The following FSCN1 variants were observed in gnomAD, a reference collection of about 807,000 sequenced individuals.
FSCN1 encodes the protein fascin actin-bundling protein 1.
FSCN1 carries 10 observed loss-of-function variants against 39.7 expected under a neutral mutation model. The observed-to-expected ratio is 0.25, with a 90% CI of 0.16 to 0.43. FSCN1 has a LOEUF of 0.43. FSCN1 is among the 20% of genes least tolerant of loss of function. FSCN1 has a pLI of 1.00. For synonymous variants in FSCN1, 322 were observed against 320.0 expected (o/e 1.01, Z -0.07); for missense variants, 525 against 723.8 (o/e 0.73, Z 3.15).
intron 1 of FSCN1, chr7:5,602,980 G>A (rs911972446): frequency 2.5e-5 from 12 of 486,984 alleles, no homozygotes; most frequent in South Asian, 1.4e-4. Context: ...AAAGTGTTGC[G>A]ATCACAGGCA....
chr7:5,602,518 T>A (rs1026729250), intron 1 of FSCN1, among the ~76,000 whole-genome samples: 2 of 151,976 alleles, frequency 1.3e-5, no homozygotes, highest in African/African-American at 4.8e-5. Flanking sequence ...TTGAAGCAAA[T>A]CCCTGACATC....
rs1785883859 is a variant in FSCN1 at position 5,603,992 on chromosome 7, T to C, written c.1241T>C (p.Phe414Ser). The change falls in exon 4 of 5, where the codon TTC becomes TCC. Residue 414 changes from phenylalanine (F) to serine (S), a missense_variant. Phe to Ser is a radical substitution (Grantham distance 155). Coordinates refer to ENST00000382361, the MANE Select transcript of FSCN1 (RefSeq NM_003088.4). This position sits in a 1 kb window ranked among gnomAD's most constrained non-coding sequence, Gnocchi z 8.5. ...GCCAACCGCTCCAGCTATGACGTCT[T>C]CCAGCTGGAGTTCAACGATGGCGCC... The part of the protein sequence containing the change: ...LDANRSSYDV[F>S]QLEFNDGAYN... 6.2e-7 allele frequency: 1 copy of C among 1,613,864 alleles called. No individual in the cohort carries two copies. The highest frequency in any genetic ancestry group is 8.5e-7 in the Non-Finnish European group (1 of 1,179,994).
Position 5,605,512 on chromosome 7 carries a change from G to A in FSCN1, c.*38G>A, listed in dbSNP as rs748891986. 1.1e-5 allele frequency: 16 copies of A among 1,442,634 alleles called. No individual in the cohort carries two copies. In the South Asian group the frequency reaches 1.8e-4, roughly 17 times the overall value. 89.4% of individuals were successfully genotyped at this position (1,442,634 alleles called of 1,614,324 possible). On this transcript the variant is annotated 3_prime_UTR_variant, in exon 5 of 5. Transcript: ENST00000382361. This position sits in a 1 kb window ranked among gnomAD's most constrained non-coding sequence, Gnocchi z 6.9. ...CTTCCCCGCCCCTGCCCACATGGCG[G>A]CTCCTGCCAACCCTCCCTGCTAACC...
chr7:5,603,820 C>T lies in FSCN1; in HGVS notation c.1112-43C>T, dbSNP rs1374048213. On this transcript the variant is annotated intron_variant, in intron 3 of 4. Transcript: ENST00000382361. The surrounding 1 kb of genome is among the most constrained non-coding windows in gnomAD (Gnocchi z 8.5). Reference sequence around the variant, plus strand: ...TCTGGTCACCCCAGCCTCCACCCCACTCCCTGCCAGGAGGCTCACTGACTC... The same window carrying T: ...TCTGGTCACCCCAGCCTCCACCCCATTCCCTGCCAGGAGGCTCACTGACTC... 1 of 1,591,610 alleles carries T rather than the reference C, an allele frequency of 6.3e-7. No individual in the cohort carries two copies. The highest frequency in any genetic ancestry group is 1.7e-5 in the Admixed American group (1 of 59,668).
At position 5,605,591 on chromosome 7, in the gene FSCN1, A is replaced by G; in HGVS notation, c.*117A>G. ...GGAGGCAAGCCCCCTTGCCTTTCAAACTGGAAACCCCAGAGAAAACGGTGC... is the reference window on the plus strand; with the variant it reads ...GGAGGCAAGCCCCCTTGCCTTTCAAGCTGGAAACCCCAGAGAAAACGGTGC... On this transcript the variant is annotated 3_prime_UTR_variant, in exon 5 of 5. Coordinates refer to ENST00000382361, the MANE Select transcript of FSCN1 (RefSeq NM_003088.4). The surrounding 1 kb of genome is among the most constrained non-coding windows in gnomAD (Gnocchi z 6.9). 2 of 748,598 alleles carry G rather than the reference A, an allele frequency of 2.7e-6. No individual in the cohort carries two copies. The highest frequency in any genetic ancestry group is 2.9e-5 in the Admixed American group (1 of 34,184). The allele number at this position is 748,598 out of a possible 1,614,324, so 46.4% of individuals were successfully genotyped here. A position where few individuals can be genotyped will look rare whatever the true frequency, so the allele number is the denominator to read the frequency against.
intron 1 of FSCN1, among the ~76,000 whole-genome samples, chr7:5,595,053 G>A (rs186743823): frequency 4.9e-4 from 74 of 152,340 alleles, no homozygotes; most frequent in African/African-American, 1.7e-3. Flanking sequence ...GAGGGGCGTG[G>A]GGGGATCTTT....
At position 5,603,442 on chromosome 7, in the gene FSCN1, C is replaced by T. The variant is rs199969674; in HGVS notation, c.989+29C>T. 314 of 1,613,790 alleles carry T rather than the reference C, an allele frequency of 1.9e-4. No individual in the cohort carries two copies. In the African/African-American group the frequency reaches 3.9e-3, roughly 20 times the overall value. On this transcript the variant is annotated intron_variant, in intron 2 of 4. Coordinates refer to ENST00000382361, the MANE Select transcript of FSCN1 (RefSeq NM_003088.4). The surrounding 1 kb of genome is among the most constrained non-coding windows in gnomAD (Gnocchi z 8.5). ...AGTGCCTCGCTCCCACCTGTCACCG[C>T]CCCCACCACCTTGCCTGGGCTACCC...
chr7:5,600,504 C>G (rs1785805948), intron 1 of FSCN1, among the ~76,000 whole-genome samples: 1 of 152,084 alleles, frequency 6.6e-6, no homozygotes, highest in Admixed American at 6.5e-5. Context: ...CCCTGGGGTC[C>G]TATTCTGAGA....
At position 5,605,707 on chromosome 7, in the gene FSCN1, AG is replaced by A. The variant is rs1785922165; in HGVS notation, c.*236del. 1.9e-6 allele frequency: 1 copy of A among 532,562 alleles called. No individual in the cohort carries two copies. The highest frequency in any genetic ancestry group is 3.4e-5 in the Admixed American group (1 of 29,452). 33.0% of individuals were successfully genotyped at this position (532,562 alleles called of 1,614,324 possible). ...TCAGCGGCTGCGGCCTGGCCCTGGG[AG>A]GGATTTCAGATGCCCCTGCCCTCTT... On this transcript the variant is annotated 3_prime_UTR_variant, in exon 5 of 5. Coordinates refer to ENST00000382361, the MANE Select transcript of FSCN1 (RefSeq NM_003088.4). This position sits in a 1 kb window ranked among gnomAD's most constrained non-coding sequence, Gnocchi z 6.9.
chr7:5,605,177 G>A lies in FSCN1; in HGVS notation c.1280-95G>A, dbSNP rs1037894869. 3.5e-5 allele frequency: 31 copies of A among 882,462 alleles called. No homozygotes were observed. The highest frequency in any genetic ancestry group is 1.2e-4 in the Admixed American group (6 of 49,206). 54.7% of individuals were successfully genotyped at this position (882,462 alleles called of 1,614,324 possible). A position where few individuals can be genotyped will look rare whatever the true frequency, so the allele number is the denominator to read the frequency against. On this transcript the variant is annotated intron_variant, in intron 4 of 4. Transcript: ENST00000382361. The surrounding 1 kb of genome is among the most constrained non-coding windows in gnomAD (Gnocchi z 6.9). The stretch of plus-strand genomic sequence containing the variant: ...CGGAGCCGGGACTGGAGGGTGGGGC[G>A]TCACCCTTGGGAACACCCGTGCCCA...
Position 5,605,221 on chromosome 7 carries a change from A to C in FSCN1, c.1280-51A>C. ...GTGCCCACCCTCCGCTGCCCAGGGT[A>C]GGGGTGGGGAGCCAGGCTTTGGGCC... On this transcript the variant is annotated intron_variant, in intron 4 of 4. Coordinates refer to ENST00000382361, the MANE Select transcript of FSCN1 (RefSeq NM_003088.4). The surrounding 1 kb of genome is among the most constrained non-coding windows in gnomAD (Gnocchi z 6.9). The C allele has an allele frequency of 2.2e-6, 3 of 1,363,546 alleles. No homozygotes were observed. Among genetic ancestry groups the C allele is most frequent in the Non-Finnish European group, 3.1e-6 (3 of 956,680 alleles). 84.5% of individuals were successfully genotyped at this position (1,363,546 alleles called of 1,614,324 possible).
At chr7:5,601,197 C>CTTTTT (rs534109521) in intron 1 of FSCN1, among the ~76,000 whole-genome samples, 11 of 115,528 alleles carry the variant, frequency 9.5e-5, no homozygotes, top group South Asian at 2.7e-4. Context: ...TTCTTTCTTC[C>CTTTTT]TTTTTTTTTT....
intron 1 of FSCN1, among the ~76,000 whole-genome samples, chr7:5,594,215 G>A (rs2128548513): frequency 6.6e-6 from 1 of 152,290 alleles, no homozygotes; most frequent in Non-Finnish European, 1.5e-5. Context: ...GCAAGGGCGC[G>A]CCTCCACCCC....
Position 5,593,339 on chromosome 7 carries a change from C to A in FSCN1, c.403C>A (p.His135Asn), listed in dbSNP as rs1311441111. ...GTCCCCCGCCGAGAAGTGGAGCGTG[C>A]ACATCGCCATGCACCCTCAGGTCAA... ...TVSPAEKWSV[H>N]IAMHPQVNIY... The change falls in exon 1 of 5, where the codon CAC (histidine) becomes AAC (asparagine). Residue 135 changes from histidine to asparagine, a missense_variant. Transcript: ENST00000382361. 6.2e-7 allele frequency: 1 copy of A among 1,612,004 alleles called. No individual in the cohort carries two copies. Among genetic ancestry groups the A allele is most frequent in the Non-Finnish European group, 8.5e-7 (1 of 1,179,688 alleles).
intron 1 of FSCN1, among the ~76,000 whole-genome samples, chr7:5,601,512 T>C (rs1785831825): frequency 6.6e-6 from 1 of 152,154 alleles, no homozygotes; most frequent in Non-Finnish European, 1.5e-5. Context: ...CGCATGCTTC[T>C]TATGTATAAG....
intron 1 of FSCN1, among the ~76,000 whole-genome samples, chr7:5,596,323 G>A (rs1261577440): frequency 2.6e-5 from 4 of 152,300 alleles, no homozygotes; most frequent in South Asian, 4.1e-4. Flanking sequence ...GGGCGGGCCC[G>A]GTGGGGGCAG....
At position 5,592,847 on chromosome 7, in the gene FSCN1, C is replaced by T. The variant is rs1584296158; in HGVS notation, c.-90C>T. On this transcript the variant is annotated 5_prime_UTR_variant, in exon 1 of 5. Coordinates refer to ENST00000382361, the MANE Select transcript of FSCN1 (RefSeq NM_003088.4). The surrounding 1 kb of genome is among the most constrained non-coding windows in gnomAD (Gnocchi z 5.3). ...CGCTGCGGAGGGTGCGTGCGGGCCG[C>T]GGCAGCCGAACAAAGGAGCAGGGGC... 9.4e-6 allele frequency: 7 copies of T among 744,740 alleles called. No homozygotes were observed. Among genetic ancestry groups the T allele is most frequent in the African/African-American group, 3.7e-5 (2 of 54,422 alleles). The allele number at this position is 744,740 out of a possible 1,614,324, so 46.1% of individuals were successfully genotyped here.
At chr7:5,594,048 C>T (rs866721657) in intron 1 of FSCN1, 7 of 397,684 alleles carry the variant, frequency 1.8e-5, no homozygotes, top group Admixed American at 4.6e-5. Context: ...CCTCCTAACC[C>T]CCCCCCCCGC....
chr7:5,595,327 C>T (rs1785711280), intron 1 of FSCN1, among the ~76,000 whole-genome samples: 1 of 152,174 alleles, frequency 6.6e-6, no homozygotes, highest in African/African-American at 2.4e-5. Context: ...AGCAAGTGAC[C>T]ACAAGGAAGC....
Sources: gnomAD v4.1 joint callset for allele counts (sites outside exome capture counted in the v4.1 genomes callset) on GRCh38, gnomAD v4.1.1 for gene constraint, Gnocchi (gnomAD v3.1) non-coding constraint, MANE v1.5 for transcripts, NCBI Gene and HGNC (gene_info 2026-07-23, HGNC 2026-07-21) for gene names.